CUBN: variants seen among roughly 807,000 people sequenced by gnomAD.
CUBN encodes the protein 460 kDa receptor.
Under a neutral mutation model 405.3 loss-of-function variants are expected in CUBN, and 282 were observed. The ratio of observed to expected loss-of-function variants is 0.70; its 90% CI spans 0.63 to 0.77. CUBN has a LOEUF of 0.77. Ranked by LOEUF, CUBN falls within the 30% of genes least tolerant of loss-of-function variation. CUBN has a pLI of 0.00. For missense variants in CUBN, 4,514 were observed against 4,475.2 expected (o/e 1.01, Z -0.25); for synonymous variants, 1,684 against 1,617.0 (o/e 1.04, Z -0.99).
At chr10:17,084,914 C>T (rs12415162) in intron 16 of CUBN, among the ~76,000 whole-genome samples, 1 of 151,884 alleles carries the variant, frequency 6.6e-6, no homozygotes, top group Non-Finnish European at 1.5e-5. Context: ...GAGGTTGGCA[C>T]CAGATTCCGT....
At chr10:17,068,840 T>C (rs747208327) in intron 19 of CUBN, 70 bp from the exon 20 acceptor site, 98 of 1,229,784 alleles carry the variant, frequency 8.0e-5, no homozygotes, top group Non-Finnish European at 1.1e-4. Flanking sequence ...GAATAATTAT[T>C]TCTGAAATGT....
In CUBN at chr10:16,900,760, T is replaced by C. The variant is rs778917765; in HGVS notation, c.8275A>G (p.Ile2759Val). Reference protein sequence around the residue: ...VRNGGSPESPIIGQYCGNSNP... With the variant: ...VRNGGSPESPVIGQYCGNSNP... ...GAATTTCCACAGTATTGTCCTATGA[T>C]GGGTGATTCAGGGGACCCACCATTC... Residue 2759 changes from isoleucine to valine, a missense_variant, in exon 53 of 67, where the codon ATC (isoleucine) becomes GTC (valine). Transcript: ENST00000377833. The C allele has an allele frequency of 3.7e-6, 6 of 1,613,920 alleles. No individual in the cohort carries two copies. Among genetic ancestry groups the C allele is most frequent in the Middle Eastern group, 1.6e-4 (1 of 6,084 alleles).
At chr10:16,967,874 A>AGAGAGAGAGAAGGAGAGACAGG in intron 31 of CUBN, among the ~76,000 whole-genome samples, 1 of 150,088 alleles carries the variant, frequency 6.7e-6, no homozygotes, top group African/African-American at 2.5e-5. Context: ...AGAGACAGGG[A>AGAGAGAGAGAAGGAGAGACAGG]GAGAGAGAGA....
chr10:17,018,747 A>G (rs1417122428), intron 28 of CUBN, among the ~76,000 whole-genome samples: 3 of 152,120 alleles, frequency 2.0e-5, no homozygotes, highest in Non-Finnish European at 1.5e-5. Flanking sequence ...CATACATTTT[A>G]CAGAGCACTG....
At chr10:16,875,533 C>A (rs1031494622) in intron 57 of CUBN, among the ~76,000 whole-genome samples, 1 of 152,174 alleles carries the variant, frequency 6.6e-6, no homozygotes, top group African/African-American at 2.4e-5. Context: ...ACTGAGCCCA[C>A]CTTGCAGGGA....
At chr10:17,057,289 A>C (rs1382992418) in intron 22 of CUBN, among the ~76,000 whole-genome samples, 1 of 152,116 alleles carries the variant, frequency 6.6e-6, no homozygotes, top group Non-Finnish European at 1.5e-5. Context: ...ATTTACACCC[A>C]CATGCAAATT....
rs770788731 is a variant in CUBN, at chr10:17,104,613, G to GA, written c.1231-9dup. 28 of 1,603,186 alleles carry GA rather than the reference G, an allele frequency of 1.7e-5. No homozygotes were observed. The highest frequency in any genetic ancestry group is 5.5e-5 in the South Asian group (5 of 90,206). On this transcript the variant is annotated splice_polypyrimidine_tract_variant and intron_variant, in intron 11 of 66. Coordinates refer to ENST00000377833, the MANE Select transcript of CUBN (RefSeq NM_001081.4). ...ATAACCAGAGACAGTGTCCTAAGGG[G>GA]AAAAAAAACACATAATACCATAAAA...
At chr10:16,826,665 A>C (rs183178435) in intron 66 of CUBN, among the ~76,000 whole-genome samples, 178 of 152,362 alleles carry the variant, frequency 1.2e-3, no homozygotes, top group African/African-American at 4.2e-3. Context: ...ACAGTTAAAA[A>C]AATTGATGTT....
At chr10:16,892,002 T>A (rs1841033795) in intron 54 of CUBN, among the ~76,000 whole-genome samples, 1 of 152,208 alleles carries the variant, frequency 6.6e-6, no homozygotes, top group Non-Finnish European at 1.5e-5. Context: ...CATGGAATGA[T>A]ACCAAATTAC....
chr10:16,889,527 T>C (rs1001261045), intron 55 of CUBN, among the ~76,000 whole-genome samples: 51 of 152,276 alleles, frequency 3.3e-4, no homozygotes, highest in Middle Eastern at 3.4e-3. Flanking sequence ...CCATCCTTCC[T>C]AATCAAAATT....
At chr10:16,926,049 C>T (rs552733219) in intron 41 of CUBN, among the ~76,000 whole-genome samples, 22 of 152,134 alleles carry the variant, frequency 1.4e-4, no homozygotes, top group Non-Finnish European at 2.8e-4. Flanking sequence ...ATGGGGAAGA[C>T]ATACAATAAA....
chr10:17,002,656 G>A (rs962631254), intron 28 of CUBN, among the ~76,000 whole-genome samples: 3 of 152,172 alleles, frequency 2.0e-5, no homozygotes, highest in African/African-American at 7.2e-5. Flanking sequence ...AGAAATGTCA[G>A]GAGTGAGCTT....
At chr10:16,898,121 A>C (rs1475244588) in intron 54 of CUBN, among the ~76,000 whole-genome samples, 2 of 151,114 alleles carry the variant, frequency 1.3e-5, no homozygotes, top group Non-Finnish European at 2.9e-5. Flanking sequence ...TTTAAACAGT[A>C]AGCATGGGTC....
chr10:17,112,920 G>A (rs1836803706), intron 8 of CUBN, among the ~76,000 whole-genome samples: 1 of 152,126 alleles, frequency 6.6e-6, no homozygotes, highest in South Asian at 2.1e-4. Flanking sequence ...TTTTGTTGTA[G>A]TTAAAAGAAT....
chr10:16,945,040 G>A (rs573767786), intron 36 of CUBN, among the ~76,000 whole-genome samples: 6 of 152,130 alleles, frequency 3.9e-5, no homozygotes, highest in African/African-American at 1.4e-4. Context: ...TTATCCCACA[G>A]AAATAAAATG....
chr10:16,824,560 G>A lies in CUBN; in HGVS notation c.*415C>T, dbSNP rs754302253. 10 of 163,914 alleles carry A rather than the reference G, an allele frequency of 6.1e-5. No individual in the cohort carries two copies. The highest frequency in any genetic ancestry group is 1.5e-4 in the South Asian group (1 of 6,490). The allele number at this position is 163,914 out of a possible 1,614,324, so 10.2% of individuals were successfully genotyped here. A position where few individuals can be genotyped will look rare whatever the true frequency, so the allele number is the denominator to read the frequency against. ...TTTTGAGATGGAGTCTTGCCGTCTC[G>A]CCCAGGCTGGAGTGTAGTGGTGTGA... On this transcript the variant is annotated 3_prime_UTR_variant, in exon 67 of 67. Coordinates refer to ENST00000377833, the MANE Select transcript of CUBN (RefSeq NM_001081.4).
At chr10:16,926,751 T>C (rs561484421) in intron 41 of CUBN, among the ~76,000 whole-genome samples, 1 of 151,764 alleles carries the variant, frequency 6.6e-6, no homozygotes, top group East Asian at 1.9e-4. Context: ...AATTGGGGGG[T>C]GGTGGCATGG....
At chr10:17,074,465 A>C (rs1028826464) in intron 17 of CUBN, among the ~76,000 whole-genome samples, 6 of 152,244 alleles carry the variant, frequency 3.9e-5, no homozygotes, top group Non-Finnish European at 8.8e-5. Context: ...TGACATTCAC[A>C]TAAGTGAAAG....
rs143697792 is a variant in CUBN at position 16,937,731 on chromosome 10, G to A, written c.5787C>T (p.Thr1929=). 3 of 1,614,008 alleles carry A rather than the reference G, an allele frequency of 1.9e-6. No homozygotes were observed. The highest frequency in any genetic ancestry group is 1.3e-5 in the African/African-American group (1 of 74,998). Residue 1929 remains threonine, a synonymous_variant, in exon 39 of 67, where the codon ACC becomes ACT. Coordinates refer to ENST00000377833, the MANE Select transcript of CUBN (RefSeq NM_001081.4). ...CAGTGGAGCTGAAAGATTCAGTCTGGGTACCACAGTAAGCTCCAATTAGGC... is the reference window on the plus strand; with the variant it reads ...CAGTGGAGCTGAAAGATTCAGTCTGAGTACCACAGTAAGCTCCAATTAGGC... ...HARLIGAYCG[T]QTESFSSTGN...
Sources: allele counts gnomAD v4.1 joint callset (sites outside exome capture counted in the v4.1 genomes callset), GRCh38; gene constraint gnomAD v4.1.1; transcripts MANE v1.5; gene names NCBI Gene and HGNC (gene_info 2026-07-23, HGNC 2026-07-21).